PTPRG: variants seen among roughly 807,000 people sequenced by gnomAD.
PTPRG encodes protein tyrosine phosphatase receptor type G, also known as receptor-type tyrosine-protein phosphatase gamma.
In PTPRG, 102 loss-of-function variants were observed where a neutral mutation model predicts 165.3. The observed-to-expected ratio is 0.62, with a 90% CI of 0.53 to 0.73. PTPRG has a LOEUF of 0.73. Ranked by LOEUF, PTPRG falls within the 30% of genes least tolerant of loss-of-function variation. The pLI is 0.00. For missense variants in PTPRG, 1,866 were observed against 1,861.4 expected (o/e 1.00, Z -0.05); for synonymous variants, 675 against 669.5 (o/e 1.01, Z -0.13).
At chr3:61,840,631 A>G (rs1272461096) in intron 2 of PTPRG, among the ~76,000 whole-genome samples, 2 of 152,012 alleles carry the variant, frequency 1.3e-5, no homozygotes, top group Non-Finnish European at 2.9e-5. Context: ...ATGACTGGGC[A>G]CTCTGTGGGT....
chr3:61,879,453 A>G (rs1188334560), intron 2 of PTPRG, among the ~76,000 whole-genome samples: 2 of 152,068 alleles, frequency 1.3e-5, no homozygotes, highest in Admixed American at 1.3e-4. Flanking sequence ...ACTTATTCCT[A>G]AATATTTTAT....
At chr3:61,606,350 G>A (rs1326799513) in intron 1 of PTPRG, among the ~76,000 whole-genome samples, 1 of 152,110 alleles carries the variant, frequency 6.6e-6, no homozygotes, top group Non-Finnish European at 1.5e-5. Flanking sequence ...GGGGGTGCGG[G>A]GTGTCAGGGT....
At chr3:62,078,511 A>G (rs990580822) in intron 5 of PTPRG, among the ~76,000 whole-genome samples, 1 of 152,198 alleles carries the variant, frequency 6.6e-6, no homozygotes, top group Non-Finnish European at 1.5e-5. Context: ...CACATTTATC[A>G]TCTAAGTTAC....
chr3:62,276,954 G>A lies in PTPRG; in HGVS notation c.3560-18G>A, dbSNP rs946198172. On this transcript the variant is annotated intron_variant, in intron 24 of 29. Transcript: ENST00000474889. The stretch of plus-strand genomic sequence containing the variant: ...ATAATAAGGCAAATGTGGTGTTTTT[G>A]TTTTTTCCATATGATAGCTGAGCGT... The A allele has an allele frequency of 9.3e-6, 15 of 1,609,800 alleles. No homozygotes were observed. The highest frequency in any genetic ancestry group is 3.4e-5 in the Admixed American group (2 of 59,624).
rs535129020 is a variant in PTPRG at position 62,229,256 on chromosome 3, A to G, written c.2289-1969A>G. On this transcript the variant is annotated intron_variant, in intron 13 of 29. Coordinates refer to ENST00000474889, the MANE Select transcript of PTPRG (RefSeq NM_002841.4). The surrounding 1 kb of genome is among the most constrained non-coding windows in gnomAD (Gnocchi z 4.6). ...TGGTCACCCCTTTTTTTCTTTCTCT[A>G]TGTGCCTGTGCTGGGAGATCTGGGT... Among the ~76,000 whole-genome samples the G allele has an allele frequency of 3.3e-5, 5 of 151,894 alleles. No homozygotes were observed. Among genetic ancestry groups the G allele is most frequent in the Admixed American group, 1.3e-4 (2 of 15,280 alleles).
At chr3:62,243,564 G>A (rs1312401300) in intron 14 of PTPRG, 1 of 354,712 alleles carries the variant, frequency 2.8e-6, no homozygotes, top group Non-Finnish European at 5.1e-6. Context: ...TAAATACTAA[G>A]CCTTTCCCTT....
intron 6 of PTPRG, among the ~76,000 whole-genome samples, chr3:62,140,212 A>T (rs1385136422): frequency 1.3e-5 from 2 of 152,210 alleles, no homozygotes; most frequent in Non-Finnish European, 2.9e-5. Flanking sequence ...TAAGAAGACC[A>T]TGTGCCTATT....
chr3:61,978,031 T>G (rs1159647753), intron 2 of PTPRG, among the ~76,000 whole-genome samples: 1 of 152,230 alleles, frequency 6.6e-6, no homozygotes, highest in Non-Finnish European at 1.5e-5. Context: ...TTTGTATTTT[T>G]AGTAGAGACG....
intron 3 of PTPRG, among the ~76,000 whole-genome samples, chr3:61,991,706 T>C (rs1266088806): frequency 1.3e-5 from 2 of 152,220 alleles, no homozygotes; most frequent in Admixed American, 6.5e-5. Context: ...TGCAATCAGA[T>C]TGGAACTGAG....
intron 10 of PTPRG, among the ~76,000 whole-genome samples, chr3:62,200,729 T>C (rs1700078444): frequency 6.6e-6 from 1 of 152,162 alleles, no homozygotes; most frequent in Non-Finnish European, 1.5e-5. Context: ...ACGAAATCAT[T>C]AGACCATTTA....
At chr3:62,068,417 T>A (rs1328800201) in intron 4 of PTPRG, among the ~76,000 whole-genome samples, 1 of 152,140 alleles carries the variant, frequency 6.6e-6, no homozygotes, top group Non-Finnish European at 1.5e-5. Context: ...AAGTAGCTTA[T>A]ATTAAATGGA....
intron 1 of PTPRG, among the ~76,000 whole-genome samples, chr3:61,673,338 G>C (rs1366505849): frequency 6.6e-6 from 1 of 152,202 alleles, no homozygotes; most frequent in Non-Finnish European, 1.5e-5. Flanking sequence ...CTCTGTGTTA[G>C]AGATTTTTGG....
At chr3:61,782,024 T>A (rs988912732) in intron 2 of PTPRG, among the ~76,000 whole-genome samples, 1 of 151,982 alleles carries the variant, frequency 6.6e-6, no homozygotes, top group African/African-American at 2.4e-5. Flanking sequence ...GATTTAAATC[T>A]GTCATAGCTT....
chr3:61,661,946 G>T (rs1199083238), intron 1 of PTPRG, among the ~76,000 whole-genome samples: 1 of 152,146 alleles, frequency 6.6e-6, no homozygotes, highest in Non-Finnish European at 1.5e-5. Context: ...GCCTCATCAA[G>T]TATTTTTTTT....
intron 11 of PTPRG, among the ~76,000 whole-genome samples, chr3:62,202,719 C>T (rs957028102): frequency 6.6e-6 from 1 of 152,198 alleles, no homozygotes; most frequent in African/African-American, 2.4e-5. Flanking sequence ...GACTGGATCA[C>T]CCAGTATCTT....
intron 1 of PTPRG, among the ~76,000 whole-genome samples, chr3:61,613,219 T>C (rs1701221557): frequency 6.6e-6 from 1 of 152,192 alleles, no homozygotes; most frequent in Admixed American, 6.5e-5. Context: ...AACTGTGCCT[T>C]TTACTTTCTG....
intron 1 of PTPRG, among the ~76,000 whole-genome samples, chr3:61,658,332 G>C (rs1298547326): frequency 6.6e-6 from 1 of 152,150 alleles, no homozygotes; most frequent in Non-Finnish European, 1.5e-5. Flanking sequence ...ACAGTGGCTA[G>C]GTGAGGTCTC....
chr3:61,683,486 G>A (rs758427879), intron 1 of PTPRG, among the ~76,000 whole-genome samples: 4 of 152,168 alleles, frequency 2.6e-5, no homozygotes, highest in Non-Finnish European at 5.9e-5. Flanking sequence ...AGTTAACCAA[G>A]CAGCCAAATC....
chr3:61,966,249 G>A (rs1210657621), intron 2 of PTPRG, among the ~76,000 whole-genome samples: 3 of 152,224 alleles, frequency 2.0e-5, no homozygotes, highest in African/African-American at 7.2e-5. Flanking sequence ...GTCAGCGCCA[G>A]TGGAGTATTA....
Sources: gnomAD v4.1 joint callset for allele counts (sites outside exome capture counted in the v4.1 genomes callset) on GRCh38, gnomAD v4.1.1 for gene constraint, Gnocchi (gnomAD v3.1) non-coding constraint, MANE v1.5 for transcripts, NCBI Gene and HGNC (gene_info 2026-07-23, HGNC 2026-07-21) for gene names.